EOGT: variants seen among roughly 807,000 people sequenced by gnomAD.
EOGT encodes EGF domain-specific O-linked N-acetylglucosamine transferase.
EOGT carries 55 observed loss-of-function variants against 70.5 expected under a neutral mutation model. The ratio of observed to expected loss-of-function variants is 0.78; its 90% CI spans 0.63 to 0.98. The LOEUF (loss-of-function observed/expected upper bound fraction) is 0.98. Among genes scored for constraint, EOGT ranks in the 50% least tolerant of loss-of-function variants. The pLI, the probability that EOGT is intolerant of heterozygous loss-of-function variation, is 0.00. For missense variants in EOGT, 703 were observed against 641.9 expected (o/e 1.10, Z -1.03); for synonymous variants, 246 against 217.1 (o/e 1.13, Z -1.17).
intron 10 of EOGT, among the ~76,000 whole-genome samples, chr3:68,995,107 C>T (rs190665310): frequency 1.1e-4 from 17 of 152,302 alleles, no homozygotes; most frequent in African/African-American, 3.6e-4. Flanking sequence ...GTCACAGTTA[C>T]CTCCCTGCTC....
intron 9 of EOGT, among the ~76,000 whole-genome samples, chr3:69,001,210 G>C (rs966557447): frequency 4.0e-5 from 6 of 151,766 alleles, no homozygotes; most frequent in Non-Finnish European, 4.4e-5. Context: ...TGCCTGCCTC[G>C]GCCTCCCACA....
intron 9 of EOGT, among the ~76,000 whole-genome samples, chr3:68,998,853 C>CAA (rs1440993264): frequency 2.2e-5 from 1 of 44,908 alleles, no homozygotes; most frequent in Non-Finnish European, 4.5e-5. Flanking sequence ...AAAAAAAAAC[C>CAA]AGAAAAAAAA....
chr3:69,005,365 C>T (rs776341215), intron 6 of EOGT, 131 bp from the exon 7 acceptor site: 36 of 526,662 alleles, frequency 6.8e-5, no homozygotes, highest in Non-Finnish European at 1.1e-4. Flanking sequence ...GGAAAGCTCT[C>T]CAAAGACTGC....
At chr3:68,982,667 G>A (rs1314225639) in intron 15 of EOGT, 144 bp downstream of exon 15, 3 of 442,256 alleles carry the variant, frequency 6.8e-6, no homozygotes, top group Admixed American at 4.3e-5. Context: ...GACTTCACCT[G>A]CCCATTTCAT....
rs191754264 is a variant in EOGT, at chr3:68,987,881, T to C, written c.1084-368A>G. 2.3e-3 allele frequency: 774 copies of C among 330,488 alleles called. 8 individuals carry two copies. The highest frequency in any genetic ancestry group is 5.0e-3 in the South Asian group (105 of 21,108). The allele number at this position is 330,488 out of a possible 1,614,324, so 20.5% of individuals were successfully genotyped here. On this transcript the variant is annotated intron_variant, in intron 13 of 17. Transcript: ENST00000383701. ...CCTTAGCTTCTCTTTTATAGGTTTT[T>C]GACACCTGGTTTCAGATGACTCCAG...
intron 14 of EOGT, among the ~76,000 whole-genome samples, chr3:68,986,815 G>A (rs894069020): frequency 5.9e-5 from 9 of 152,232 alleles, no homozygotes; most frequent in South Asian, 2.1e-4. Flanking sequence ...CACCTTCCCC[G>A]TCTTTGCTCT....
intron 10 of EOGT, among the ~76,000 whole-genome samples, chr3:68,992,697 C>G (rs1306785777): frequency 6.6e-6 from 1 of 152,246 alleles, no homozygotes; most frequent in East Asian, 1.9e-4. Flanking sequence ...GCTCCAACCC[C>G]ACATTTCCCT....
chr3:69,013,542 G>T (rs958429980), intron 1 of EOGT, 32 bp downstream of exon 1: 3 of 154,340 alleles, frequency 1.9e-5, no homozygotes, highest in Admixed American at 6.5e-5. Flanking sequence ...GGAGAGCGGG[G>T]GAAGGCTCCG....
intron 15 of EOGT, 42 bp from the exon 16 acceptor site, chr3:68,979,829 G>A (rs1281145796): frequency 1.9e-6 from 3 of 1,602,982 alleles, no homozygotes; most frequent in Non-Finnish European, 1.7e-6. Flanking sequence ...GGGGAGAAGA[G>A]AGAAGTATTA....
At chr3:68,980,494 G>A (rs528700849) in intron 15 of EOGT, among the ~76,000 whole-genome samples, 1 of 152,236 alleles carries the variant, frequency 6.6e-6, no homozygotes, top group East Asian at 1.9e-4. Flanking sequence ...AATTCACTGA[G>A]GTGAGGCTAG....
intron 10 of EOGT, among the ~76,000 whole-genome samples, chr3:68,994,426 A>C (rs955651687): frequency 3.3e-5 from 5 of 152,148 alleles, no homozygotes; most frequent in African/African-American, 1.2e-4. Flanking sequence ...GAAGAAGGAG[A>C]CTTTTTTAAA....
At chr3:69,007,844 T>C in intron 5 of EOGT, 23 bp from the exon 6 acceptor site, 2 of 1,541,160 alleles carry the variant, frequency 1.3e-6, no homozygotes, top group Non-Finnish European at 1.8e-6. Context: ...AAAAATATTC[T>C]GTGTTTTTTT....
At chr3:68,999,109 T>A (rs879755812) in intron 9 of EOGT, among the ~76,000 whole-genome samples, 6 of 152,198 alleles carry the variant, frequency 3.9e-5, no homozygotes, top group Non-Finnish European at 8.8e-5. Flanking sequence ...CATTCTTAGA[T>A]GAGTTTATAA....
intron 12 of EOGT, 58 bp downstream of exon 12, chr3:68,988,448 C>T (rs2090881674): frequency 6.7e-7 from 1 of 1,487,530 alleles, no homozygotes; most frequent in African/African-American, 1.4e-5. Context: ...ATACTGTCAA[C>T]TTATGTATAA....
In EOGT at chr3:68,985,973, C is replaced by T. The variant is rs139497601; in HGVS notation, c.1152+1472G>A. The stretch of plus-strand genomic sequence containing the variant: ...ACCTTTTCCAGCTTCTAGAAGCCCT[C>T]CACACTCCATGACTCATAGGCCTGC... On this transcript the variant is annotated intron_variant, in intron 14 of 17. Coordinates refer to ENST00000383701, the MANE Select transcript of EOGT (RefSeq NM_001278689.2). 4.0e-3 allele frequency among the ~76,000 whole-genome samples: 611 copies of T among 152,282 alleles called. 6 individuals are homozygous for T. Among genetic ancestry groups the T allele is most frequent in the Non-Finnish European group, 6.0e-3 (408 of 68,012 alleles).
Position 68,976,847 on chromosome 3 carries a change from A to G in EOGT, c.*771T>C, listed in dbSNP as rs375412396. On this transcript the variant is annotated 3_prime_UTR_variant, in exon 18 of 18. Transcript: ENST00000383701. ...CAAATTCTAAAGCTGAAAAAGTTGA[A>G]AACTTTGGTATTCCTAAAAAGAGAA... 6.5e-6 allele frequency: 1 copy of G among 152,734 alleles called. No individual in the cohort carries two copies. Among genetic ancestry groups the G allele is most frequent in the Admixed American group, 6.5e-5 (1 of 15,298 alleles). 9.5% of individuals were successfully genotyped at this position (152,734 alleles called of 1,614,324 possible).
chr3:68,982,090 G>A (rs1428632276), intron 15 of EOGT, among the ~76,000 whole-genome samples: 1 of 151,920 alleles, frequency 6.6e-6, no homozygotes, highest in Non-Finnish European at 1.5e-5. Flanking sequence ...TTATTTTTTA[G>A]TAGAGATGGG....
chr3:68,995,222 T>G (rs958949405), intron 10 of EOGT, among the ~76,000 whole-genome samples: 4 of 152,106 alleles, frequency 2.6e-5, no homozygotes, highest in Admixed American at 2.6e-4. Context: ...TGATGCTTAA[T>G]TTAAGTCCTT....
chr3:68,977,758 G>GGT lies in EOGT; in HGVS notation c.1442_1443dup (p.His482ThrfsTer18). Reference sequence around the variant, plus strand: ...TTCGGGTGCTCCCCCAGGGTTGGATGGTGGCCCTGTGAAAATAAACCAAAA... The same window carrying GGT: ...TTCGGGTGCTCCCCCAGGGTTGGATGGTGTGGCCCTGTGAAAATAAACCAAAA... On this transcript the variant is annotated frameshift_variant, in exon 18 of 18. Transcript: ENST00000383701. LOFTEE classifies it high-confidence loss of function. 1 of 1,609,320 alleles carries GGT rather than the reference G, an allele frequency of 6.2e-7. No homozygotes were observed. The highest frequency in any genetic ancestry group is 2.2e-5 in the East Asian group (1 of 44,644).
Sources: allele counts gnomAD v4.1 joint callset (sites outside exome capture counted in the v4.1 genomes callset), GRCh38; gene constraint gnomAD v4.1.1; transcripts MANE v1.5; gene names NCBI Gene and HGNC (gene_info 2026-07-23, HGNC 2026-07-21).